Variants in CAST observed in about 807,000 individuals in gnomAD.
The protein encoded by CAST is MIR583 host.
Under a neutral mutation model 119.6 loss-of-function variants are expected in CAST, and 76 were observed. That is an observed-to-expected ratio of 0.64 (90% CI 0.53 to 0.77). CAST has a LOEUF of 0.77. Ranked by LOEUF, CAST falls within the 30% of genes least tolerant of loss-of-function variation. CAST has a pLI of 0.00. For missense variants in CAST, 953 were observed against 946.5 expected, an observed-to-expected ratio of 1.01 and a Z score of -0.09; for synonymous variants, 319 against 331.6, an observed-to-expected ratio of 0.96 and a Z score of 0.41.
At chr5:96,161,025 A>G in the CAST span, among the ~76,000 whole-genome samples, 1 of 152,174 alleles carries the variant, frequency 6.6e-6, no homozygotes, top group South Asian at 2.1e-4. Context: ...TTGCAGATCT[A>G]TGATTTGCAA....
chr5:96,460,001 A>G, the CAST span, among the ~76,000 whole-genome samples: 1 of 152,158 alleles, frequency 6.6e-6, no homozygotes, highest in East Asian at 1.9e-4. Flanking sequence ...TTCCAGGCTT[A>G]GCAACCAGTG....
the CAST span, among the ~76,000 whole-genome samples, chr5:96,149,610 A>C: frequency 0.31 from 47,429 of 152,008 alleles, 7,640 homozygotes; most frequent in Middle Eastern, 0.39. Context: ...GTTACTTTGA[A>C]GGGTTTTCTC....
the CAST span, among the ~76,000 whole-genome samples, chr5:96,274,195 G>A: frequency 2.6e-5 from 4 of 151,576 alleles, no homozygotes; most frequent in Non-Finnish European, 5.9e-5. Flanking sequence ...TCCGCCTCCC[G>A]GGTTCGTGCC....
At chr5:96,515,630 T>C in the CAST span, among the ~76,000 whole-genome samples, 1 of 152,174 alleles carries the variant, frequency 6.6e-6, no homozygotes, top group Non-Finnish European at 1.5e-5. Flanking sequence ...AGTTCCACTC[T>C]GCATTTTAGG....
the CAST span, among the ~76,000 whole-genome samples, chr5:95,974,029 A>ACC: frequency 7.7e-5 from 11 of 143,432 alleles, no homozygotes; most frequent in African/African-American, 1.3e-4. Context: ...ACACACACAC[A>ACC]CCCCCACTCA....
At chr5:96,669,074 A>G (rs1299713822) in intron 1 of CAST, among the ~76,000 whole-genome samples, 1 of 152,238 alleles carries the variant, frequency 6.6e-6, no homozygotes, top group African/African-American at 2.4e-5. Flanking sequence ...CCATCCATCA[A>G]GAGAATTGCA....
the CAST span, among the ~76,000 whole-genome samples, chr5:96,400,524 T>C: frequency 6.6e-6 from 1 of 152,336 alleles, no homozygotes; most frequent in East Asian, 1.9e-4. Flanking sequence ...TTTTAAATGG[T>C]AACACTTTCT....
intron 1 of CAST, among the ~76,000 whole-genome samples, chr5:96,588,729 T>C (rs1746907258): frequency 6.6e-6 from 1 of 152,228 alleles, no homozygotes. Context: ...TAACACACCA[T>C]GTACTACAAT....
At chr5:96,195,226 C>T in the CAST span, among the ~76,000 whole-genome samples, 18 of 152,184 alleles carry the variant, frequency 1.2e-4, no homozygotes, top group Admixed American at 3.3e-4. Flanking sequence ...AAGAGCCCAA[C>T]GCACTTCTGA....
the CAST span, among the ~76,000 whole-genome samples, chr5:96,475,797 G>A: frequency 6.6e-6 from 1 of 152,126 alleles, no homozygotes; most frequent in Admixed American, 6.5e-5. Context: ...CCTGTGGCTG[G>A]GACTTCAGAT....
chr5:96,239,452 T>C, the CAST span, among the ~76,000 whole-genome samples: 1 of 152,052 alleles, frequency 6.6e-6, no homozygotes, highest in Non-Finnish European at 1.5e-5. Flanking sequence ...ATTTGAGGCT[T>C]TTTTGGGGGG....
chr5:96,026,415 G>A, the CAST span, among the ~76,000 whole-genome samples: 1 of 152,156 alleles, frequency 6.6e-6, no homozygotes, highest in Non-Finnish European at 1.5e-5. Context: ...TCTTCAGAGA[G>A]TCCCCAAATC....
chr5:96,564,153 C>A (rs371762925), intron 1 of CAST, among the ~76,000 whole-genome samples: 20 of 152,326 alleles, frequency 1.3e-4, no homozygotes, highest in African/African-American at 4.8e-4. Flanking sequence ...AAAAGATCCA[C>A]TTTTATTAAC....
At chr5:96,209,513 ATAAT>A in the CAST span, among the ~76,000 whole-genome samples, 2 of 151,900 alleles carry the variant, frequency 1.3e-5, no homozygotes, top group African/African-American at 4.8e-5. Flanking sequence ...AGGTCTGGTG[ATAAT>A]TAATTCCTTT....
At chr5:96,520,545 GTGTT>G (rs1335270025), upstream of CAST, among the ~76,000 whole-genome samples, 1 of 151,964 alleles carries the variant, frequency 6.6e-6, no homozygotes, top group Non-Finnish European at 1.5e-5. Context: ...GTGTCTGTGT[GTGTT>G]TGTGGCTAGG....
chr5:96,374,123 G>T, the CAST span, among the ~76,000 whole-genome samples: 8 of 152,248 alleles, frequency 5.3e-5, no homozygotes, highest in Non-Finnish European at 8.8e-5. Context: ...TAGAATAATT[G>T]CCAGCTACTC....
the CAST span, among the ~76,000 whole-genome samples, chr5:96,489,446 C>T: frequency 5.3e-4 from 81 of 152,208 alleles, 1 homozygote; most frequent in South Asian, 0.016. Context: ...GGTTGATAAT[C>T]GTGTATAATT....
intron 1 of CAST, among the ~76,000 whole-genome samples, chr5:96,568,432 G>C (rs1746511825): frequency 6.6e-6 from 1 of 152,010 alleles, no homozygotes; most frequent in South Asian, 2.1e-4. Context: ...GGGCATAGCA[G>C]GGGGTGCCTG....
the CAST span, among the ~76,000 whole-genome samples, chr5:96,125,085 A>G: frequency 1.3e-5 from 2 of 152,192 alleles, no homozygotes; most frequent in African/African-American, 4.8e-5. Context: ...CAGTTTATGT[A>G]TATCGTAACT....
Sources: allele counts gnomAD v4.1 joint callset (sites outside exome capture counted in the v4.1 genomes callset), GRCh38; gene constraint gnomAD v4.1.1; transcripts MANE v1.5; gene names NCBI Gene and HGNC (gene_info 2026-07-23, HGNC 2026-07-21).